SLC17A5: variants seen among roughly 807,000 people sequenced by gnomAD.
SLC17A5 encodes the protein solute carrier family 17 member 5.
SLC17A5 carries 47 observed loss-of-function variants against 59.4 expected under a neutral mutation model. The ratio of observed to expected loss-of-function variants is 0.79; its 90% confidence interval spans 0.63 to 1.01. SLC17A5 has a LOEUF of 1.01. SLC17A5 is among the 50% of genes least tolerant of loss of function. The pLI, the probability that SLC17A5 is intolerant of heterozygous loss-of-function variation, is 0.00. For synonymous variants in SLC17A5, 202 were observed against 210.7 expected, an observed-to-expected ratio of 0.96 and a Z score of 0.36; for missense variants, 522 against 595.5, an observed-to-expected ratio of 0.88 and a Z score of 1.28.
Position 73,635,408 on chromosome 6 carries a change from A to G in SLC17A5, c.793T>C (p.Tyr265His), listed in dbSNP as rs1389770096. Residue 265 changes from tyrosine (Y) to histidine (H), a missense_variant, in exon 6 of 11, where the codon TAC becomes CAC. Coordinates refer to ENST00000355773, the MANE Select transcript of SLC17A5 (RefSeq NM_012434.5). ...HKRISHYEKE[Y>H]ILSSLRNQLS... ...TGATTTCTTAATGATGAAAGAATGT[A>G]TTCCTTTTCATAATGGGAAATTCTC... 1 of 1,597,706 alleles carries G rather than the reference A, an allele frequency of 6.3e-7. No individual in the cohort carries two copies. Among genetic ancestry groups the G allele is most frequent in the Admixed American group, 1.7e-5 (1 of 59,944 alleles).
chr6:73,620,438 T>G (rs1418831182), intron 7 of SLC17A5, among the ~76,000 whole-genome samples: 1 of 152,232 alleles, frequency 6.6e-6, no homozygotes, highest in African/African-American at 2.4e-5. Context: ...AAAATAAGAT[T>G]GCTCACAATG....
intron 10 of SLC17A5, among the ~76,000 whole-genome samples, chr6:73,599,434 C>A (rs11750970): frequency 0.042 from 6,390 of 152,230 alleles, 301 homozygotes; most frequent in Admixed American, 0.15. Flanking sequence ...AAATCAAGCG[C>A]AGTTCCCACT....
intron 10 of SLC17A5, among the ~76,000 whole-genome samples, chr6:73,597,144 A>T (rs1245333): frequency 0.41 from 59,503 of 146,618 alleles, 12,140 homozygotes; most frequent in African/African-American, 0.5. Context: ...CTGGGGAACA[A>T]GAGTGAAACT....
chr6:73,600,200 T>C, intron 10 of SLC17A5, 151 bp downstream of exon 10: 1 of 681,704 alleles, frequency 1.5e-6, no homozygotes. Flanking sequence ...GAAAATATAC[T>C]TTCCCATCCA....
chr6:73,653,487 T>G, intron 1 of SLC17A5: 16 of 979,744 alleles, frequency 1.6e-5, no homozygotes, highest in Non-Finnish European at 1.7e-5. Flanking sequence ...CAGCGCCGGC[T>G]GCACCGCCGC....
chr6:73,600,257 T>C, intron 10 of SLC17A5, 94 bp downstream of exon 10: 1 of 954,026 alleles, frequency 1.0e-6, no homozygotes, highest in Non-Finnish European at 1.7e-6. Context: ...CATAAGAACA[T>C]TTAGAATTTT....
intron 6 of SLC17A5, among the ~76,000 whole-genome samples, chr6:73,633,813 G>A (rs1355627951): frequency 6.6e-6 from 1 of 151,854 alleles, no homozygotes; most frequent in East Asian, 1.9e-4. Flanking sequence ...CAGGGAGATA[G>A]AGGTTGCAGT....
chr6:73,596,707 T>G (rs543792277), intron 10 of SLC17A5, among the ~76,000 whole-genome samples: 73 of 151,416 alleles, frequency 4.8e-4, no homozygotes, highest in African/African-American at 1.6e-3. Flanking sequence ...AAATAAAAAA[T>G]TAGCCGGGCG....
At chr6:73,613,383 T>C (rs1767716319) in intron 8 of SLC17A5, among the ~76,000 whole-genome samples, 1 of 151,898 alleles carries the variant, frequency 6.6e-6, no homozygotes. Context: ...TTTTTTTTTT[T>C]GAGACAGGAT....
intron 6 of SLC17A5, among the ~76,000 whole-genome samples, chr6:73,627,484 G>C (rs942446054): frequency 6.6e-6 from 1 of 152,062 alleles, no homozygotes; most frequent in Non-Finnish European, 1.5e-5. Context: ...GTACAAAACA[G>C]CTTTTTTTGA....
At chr6:73,610,302 G>T in intron 9 of SLC17A5, 98 bp downstream of exon 9, 1 of 1,424,788 alleles carries the variant, frequency 7.0e-7, no homozygotes. Flanking sequence ...CCAAAGTGCT[G>T]GGATTACAGG....
At chr6:73,605,623 A>G (rs762307018) in intron 9 of SLC17A5, among the ~76,000 whole-genome samples, 8 of 139,228 alleles carry the variant, frequency 5.7e-5, no homozygotes, top group Non-Finnish European at 3.1e-5. Flanking sequence ...TAGAACTGCA[A>G]GGTTTAAACA....
chr6:73,595,188 C>T lies in SLC17A5; in HGVS notation c.1377G>A (p.Val459=), dbSNP rs1306131863. Residue 459 remains valine (V), a synonymous_variant, in exon 11 of 11, where the codon GTG becomes GTA. Coordinates refer to ENST00000355773, the MANE Select transcript of SLC17A5 (RefSeq NM_012434.5). ...PDNTVGEWQT[V]FYIAAAINVF... is the part of the protein sequence containing the mutation. ...CATTAATAGCAGCAGCAATATAGAA[C>T]ACGGTTTGCCATTCTCCAACAGTGT... 3 of 1,614,066 alleles carry T rather than the reference C, an allele frequency of 1.9e-6. No homozygotes were observed. Among genetic ancestry groups the T allele is most frequent in the Non-Finnish European group, 2.5e-6 (3 of 1,180,020 alleles).
chr6:73,597,748 T>C (rs1381485704), intron 10 of SLC17A5, among the ~76,000 whole-genome samples: 5 of 152,012 alleles, frequency 3.3e-5, no homozygotes, highest in Non-Finnish European at 4.4e-5. Flanking sequence ...ATTGCGCCAC[T>C]GCACTCTAGC....
At chr6:73,638,284 G>A (rs1470961619) in intron 4 of SLC17A5, 128 bp downstream of exon 4, 6 of 710,172 alleles carry the variant, frequency 8.4e-6, no homozygotes, top group Admixed American at 2.3e-5. Context: ...TTATACTACC[G>A]AAACTTAATG....
chr6:73,613,312 G>A (rs1767711744), intron 8 of SLC17A5, among the ~76,000 whole-genome samples: 1 of 152,088 alleles, frequency 6.6e-6, no homozygotes, highest in Admixed American at 6.6e-5. Context: ...GATGATGTTT[G>A]GCACAGCAAG....
At chr6:73,627,741 G>A (rs751668600) in intron 6 of SLC17A5, among the ~76,000 whole-genome samples, 1 of 150,994 alleles carries the variant, frequency 6.6e-6, no homozygotes, top group African/African-American at 2.4e-5. Context: ...CAATTCTCCT[G>A]ACTCAGCCTC....
chr6:73,614,645 C>T (rs1767777307), intron 8 of SLC17A5, among the ~76,000 whole-genome samples: 2 of 152,124 alleles, frequency 1.3e-5, no homozygotes, highest in African/African-American at 4.8e-5. Context: ...AAGGTTGAGC[C>T]AGTCACCAAT....
chr6:73,617,318 GA>G (rs1018471857), intron 7 of SLC17A5, among the ~76,000 whole-genome samples: 10 of 149,104 alleles, frequency 6.7e-5, no homozygotes, highest in African/African-American at 2.5e-4. Context: ...ACAAAAAAAA[GA>G]AAAAAAAACA....
Sources: allele counts gnomAD v4.1 joint callset (sites outside exome capture counted in the v4.1 genomes callset), GRCh38; gene constraint gnomAD v4.1.1; transcripts MANE v1.5; gene names NCBI Gene and HGNC (gene_info 2026-07-23, HGNC 2026-07-21).